The following NCOA2 variants were observed in gnomAD, a reference collection of about 807,000 sequenced individuals.
NCOA2 encodes the protein class E basic helix-loop-helix protein 75.
In NCOA2, 21 loss-of-function variants were observed where a neutral mutation model predicts 145.1. That is an observed-to-expected ratio of 0.14 (90% CI 0.10 to 0.21). The LOEUF (loss-of-function observed/expected upper bound fraction) is 0.21. Ranked by LOEUF, NCOA2 falls within the 10% of genes least tolerant of loss-of-function variation. The pLI, the probability that NCOA2 is intolerant of heterozygous loss-of-function variation, is 1.00. For synonymous variants in NCOA2, 619 were observed against 637.5 expected, an observed-to-expected ratio of 0.97 and a Z score of 0.44; for missense variants, 1,472 against 1,837.6, an observed-to-expected ratio of 0.80 and a Z score of 3.64.
At chr8:70,121,498 G>A in intron 21 of NCOA2, 107 bp from the exon 22 acceptor site, 19 of 796,464 alleles carry the variant, frequency 2.4e-5, no homozygotes, top group South Asian at 2.0e-4. Context: ...GTGTAAAAAC[G>A]GGGAAAAGGA....
chr8:70,247,169 G>A (rs1822703723), intron 2 of NCOA2, among the ~76,000 whole-genome samples: 1 of 152,078 alleles, frequency 6.6e-6, no homozygotes, highest in African/African-American at 2.4e-5. Context: ...TGGCCACTCT[G>A]GAAGACAACA....
intron 6 of NCOA2, among the ~76,000 whole-genome samples, chr8:70,169,150 T>C (rs1316757233): frequency 6.6e-6 from 1 of 152,118 alleles, no homozygotes; most frequent in East Asian, 1.9e-4. Flanking sequence ...TTGAGAATAT[T>C]AAAAAAAGAA....
In NCOA2 at chr8:70,191,393, C is replaced by CT. The variant is rs982118385; in HGVS notation, c.260-16535_260-16534insA. On this transcript the variant is annotated intron_variant, in intron 4 of 22. Coordinates refer to ENST00000452400, the MANE Select transcript of NCOA2 (RefSeq NM_006540.4). ...ACTTCAGTACTGAAATAATGCCAGT[C>CT]AAAAGACAGACAGGGTGGATTTCTA... 1.8e-3 allele frequency among the ~76,000 whole-genome samples: 268 copies of CT among 152,308 alleles called. 1 individual carries two copies. The highest frequency in any genetic ancestry group is 6.3e-3 in the African/African-American group (261 of 41,580).
chr8:70,389,137 T>G (rs2131584655), intron 1 of NCOA2, among the ~76,000 whole-genome samples: 1 of 152,290 alleles, frequency 6.6e-6, no homozygotes, highest in East Asian at 1.9e-4. Context: ...CCCCTTGTTT[T>G]TAATGTCCCT....
intron 4 of NCOA2, among the ~76,000 whole-genome samples, chr8:70,176,999 T>G (rs950993057): frequency 1.3e-5 from 2 of 152,236 alleles, no homozygotes; most frequent in African/African-American, 2.4e-5. Context: ...ACTGCATTCT[T>G]ACTTCTTTAT....
chr8:70,277,359 T>C (rs1166456516), intron 2 of NCOA2, among the ~76,000 whole-genome samples: 2 of 152,194 alleles, frequency 1.3e-5, no homozygotes, highest in Non-Finnish European at 2.9e-5. Flanking sequence ...AATCTCTTCT[T>C]TTCTCTATTT....
At chr8:70,251,016 C>T (rs1461733933) in intron 2 of NCOA2, among the ~76,000 whole-genome samples, 1 of 152,054 alleles carries the variant, frequency 6.6e-6, no homozygotes, top group Non-Finnish European at 1.5e-5. Context: ...TTATTGTTTC[C>T]ATTAGGCATA....
intron 6 of NCOA2, 57 bp from the exon 7 acceptor site, chr8:70,166,811 C>T: frequency 6.9e-7 from 1 of 1,454,538 alleles, no homozygotes; most frequent in East Asian, 2.3e-5. Flanking sequence ...GATTCATTGC[C>T]TCTGAATTAT....
At chr8:70,288,879 C>G (rs919268824) in intron 2 of NCOA2, among the ~76,000 whole-genome samples, 1 of 152,130 alleles carries the variant, frequency 6.6e-6, no homozygotes, top group African/African-American at 2.4e-5. Context: ...TTTGAAGCAG[C>G]AGCAACAATT....
chr8:70,143,098 C>T (rs182407757), intron 13 of NCOA2, among the ~76,000 whole-genome samples: 22 of 152,028 alleles, frequency 1.4e-4, no homozygotes, highest in Non-Finnish European at 2.5e-4. Flanking sequence ...TACAGGTGCA[C>T]GCCACCACGC....
chr8:70,424,654 T>C, the NCOA2 span: 2 of 319,126 alleles, frequency 6.3e-6, no homozygotes, highest in East Asian at 1.7e-4. Flanking sequence ...ATCGTGAATA[T>C]TTTAGCCTTT....
chr8:70,416,187 GTTT>G, the NCOA2 span, among the ~76,000 whole-genome samples: 3 of 136,754 alleles, frequency 2.2e-5, no homozygotes, highest in African/African-American at 8.9e-5. Flanking sequence ...GGGGACCTCA[GTTT>G]TTTTGTTTTT....
intron 1 of NCOA2, among the ~76,000 whole-genome samples, chr8:70,341,032 A>G (rs189153957): frequency 9.9e-4 from 150 of 151,426 alleles, no homozygotes; most frequent in African/African-American, 3.4e-3. Context: ...ATGTTTACCT[A>G]TGTAACAAAA....
intron 1 of NCOA2, among the ~76,000 whole-genome samples, chr8:70,384,140 T>C (rs189598087): frequency 6.6e-6 from 1 of 152,292 alleles, no homozygotes; most frequent in African/African-American, 2.4e-5. Flanking sequence ...TACTGATGAT[T>C]AGATTTAATT....
intron 1 of NCOA2, among the ~76,000 whole-genome samples, chr8:70,315,881 C>T (rs1237431024): frequency 6.6e-6 from 1 of 152,178 alleles, no homozygotes; most frequent in Non-Finnish European, 1.5e-5. Flanking sequence ...ATAGAGAAAT[C>T]AGGAGGGCTG....
At chr8:70,315,436 T>C (rs1158460944) in intron 1 of NCOA2, among the ~76,000 whole-genome samples, 1 of 152,202 alleles carries the variant, frequency 6.6e-6, no homozygotes, top group East Asian at 1.9e-4. Context: ...ATTATAACCA[T>C]ATTATTAATA....
chr8:70,358,611 A>T (rs1392091123), intron 1 of NCOA2, among the ~76,000 whole-genome samples: 1 of 152,242 alleles, frequency 6.6e-6, no homozygotes, highest in Non-Finnish European at 1.5e-5. Flanking sequence ...AAATTAATTC[A>T]AAATAGATCA....
intron 1 of NCOA2, among the ~76,000 whole-genome samples, chr8:70,370,031 G>A (rs1811070422): frequency 6.6e-6 from 1 of 152,010 alleles, no homozygotes; most frequent in South Asian, 2.1e-4. Context: ...GACCACAGGG[G>A]TGTGCCACCA....
intron 2 of NCOA2, among the ~76,000 whole-genome samples, chr8:70,275,323 C>T (rs577833453): frequency 6.6e-6 from 1 of 151,788 alleles, no homozygotes; most frequent in Non-Finnish European, 1.5e-5. Flanking sequence ...AGAATATAGT[C>T]CTTAAAAAGA....
Sources: allele counts gnomAD v4.1 joint callset (sites outside exome capture counted in the v4.1 genomes callset), GRCh38; gene constraint gnomAD v4.1.1; transcripts MANE v1.5; gene names NCBI Gene and HGNC (gene_info 2026-07-23, HGNC 2026-07-21).